The following NLRP5 variants were observed in gnomAD, a reference collection of about 807,000 sequenced individuals.
NLRP5 encodes the protein NACHT, LRR and PYD domains-containing protein 5.
Under a neutral mutation model 113.1 loss-of-function variants are expected in NLRP5, and 93 were observed. The ratio of observed to expected loss-of-function variants is 0.82; its 90% CI spans 0.70 to 0.98. NLRP5 has a LOEUF of 0.98. Among genes scored for constraint, NLRP5 ranks in the 50% least tolerant of loss-of-function variants. NLRP5 has a pLI of 0.00. For synonymous variants in NLRP5, 751 were observed against 600.7 expected (o/e 1.25, Z -3.66); for missense variants, 1,808 against 1,514.3 (o/e 1.19, Z -3.22).
intron 9 of NLRP5, among the ~76,000 whole-genome samples, chr19:56,036,055 A>ATTTTTTTTTTTTTTTTTT (rs1261118713): frequency 2.2e-5 from 2 of 90,584 alleles, no homozygotes; most frequent in African/African-American, 9.8e-5. Context: ...ATGAATTGAG[A>ATTTTTTTTTTTTTTTTTT]TTCTTTTTTT....
intron 11 of NLRP5, among the ~76,000 whole-genome samples, chr19:56,045,655 G>A (rs1983695925): frequency 6.6e-6 from 1 of 152,086 alleles, no homozygotes; most frequent in Non-Finnish European, 1.5e-5. Flanking sequence ...AACATGTGGT[G>A]TTTGGTTTTT....
chr19:55,987,788 A>G, the NLRP5 span: 3 of 1,560,014 alleles, frequency 1.9e-6, no homozygotes, highest in Admixed American at 1.7e-5. Flanking sequence ...AACCTCAACC[A>G]GCAGCCTTCC....
At chr19:55,999,388 G>A (rs1255990078), upstream of NLRP5, among the ~76,000 whole-genome samples, 1 of 151,586 alleles carries the variant, frequency 6.6e-6, no homozygotes, top group Admixed American at 6.6e-5. Context: ...CTAATTTTTT[G>A]TATTTTTAGT....
At chr19:56,017,790 G>A (rs73934624) in intron 4 of NLRP5, among the ~76,000 whole-genome samples, 5,241 of 152,228 alleles carry the variant, frequency 0.034, 309 homozygotes, top group African/African-American at 0.12. Flanking sequence ...GCGTCACTAT[G>A]TGCCTGGTCG....
intron 1 of NLRP5, among the ~76,000 whole-genome samples, chr19:56,002,014 G>T (rs1371508179): frequency 1.3e-5 from 2 of 152,144 alleles, no homozygotes; most frequent in African/African-American, 4.8e-5. Context: ...AATTATTCCT[G>T]GGGCCTTATA....
chr19:56,005,642 ACGCG>A (rs147680527), intron 2 of NLRP5, among the ~76,000 whole-genome samples: 9 of 142,008 alleles, frequency 6.3e-5, no homozygotes, highest in Admixed American at 1.4e-4. Context: ...ACACACACAC[ACGCG>A]CGCAGGTGGC....
At chr19:56,031,289 C>T (rs1983102530) in intron 7 of NLRP5, among the ~76,000 whole-genome samples, 1 of 152,086 alleles carries the variant, frequency 6.6e-6, no homozygotes, top group Admixed American at 6.5e-5. Context: ...CCCCAGGCCC[C>T]CGGCAGCCTC....
rs1568505894 is a variant in NLRP5, at chr19:56,058,333, G to A, written c.3393G>A (p.Gln1131=). The change falls in exon 14 of 15, where the codon CAG becomes CAA. Residue 1131 remains glutamine, a synonymous_variant. Transcript: ENST00000390649. ...ATCTGACCAGTCTAAACCTGGTGCA[G>A]AATAACTTCAGTCCCAAAGGAATGA... The A allele has an allele frequency of 6.2e-7, 1 of 1,614,026 alleles. No homozygotes were observed. Among genetic ancestry groups the A allele is most frequent in the Non-Finnish European group, 8.5e-7 (1 of 1,179,884 alleles).
chr19:55,988,876 C>G, the NLRP5 span, among the ~76,000 whole-genome samples: 1 of 152,256 alleles, frequency 6.6e-6, no homozygotes, highest in South Asian at 2.1e-4. Context: ...CTTTCAATTT[C>G]CATGTATCCA....
intron 10 of NLRP5, among the ~76,000 whole-genome samples, chr19:56,039,267 A>G (rs1983431676): frequency 6.6e-6 from 1 of 152,204 alleles, no homozygotes; most frequent in Non-Finnish European, 1.5e-5. Flanking sequence ...CCAGCGTGGC[A>G]GCCATTATCC....
At chr19:56,055,370 T>G (rs1984093114) in intron 13 of NLRP5, among the ~76,000 whole-genome samples, 1 of 151,866 alleles carries the variant, frequency 6.6e-6, no homozygotes, top group African/African-American at 2.4e-5. Context: ...TCAACTTCTT[T>G]CTACGTGGTC....
intron 11 of NLRP5, among the ~76,000 whole-genome samples, chr19:56,045,397 G>C (rs770180127): frequency 1.3e-5 from 2 of 152,160 alleles, no homozygotes; most frequent in Non-Finnish European, 2.9e-5. Context: ...AGGGTGATGG[G>C]ATTGGAGCTA....
chr19:56,053,727 C>T lies in NLRP5; in HGVS notation c.3218C>T (p.Thr1073Met), dbSNP rs201338049. The T allele has an allele frequency of 8.7e-4, 1,412 of 1,613,928 alleles. 25 individuals are homozygous for T. In the South Asian group the frequency reaches 0.014, roughly 16 times the overall value. ...AGACACCTGAAGAGCCTGGATCTCACGGACAATGCCCTGGGTGACGGTGGG... is the reference window on the plus strand; with the variant it reads ...AGACACCTGAAGAGCCTGGATCTCATGGACAATGCCCTGGGTGACGGTGGG... Residue 1073 changes from threonine to methionine, a missense_variant, in exon 13 of 15, where the codon ACG (threonine) becomes ATG (methionine). Physicochemically the swap from Thr to Met is moderately conservative, Grantham distance 81. Coordinates refer to ENST00000390649, the MANE Select transcript of NLRP5 (RefSeq NM_153447.4).
chr19:56,060,870 C>A (rs939461655), intron 14 of NLRP5, among the ~76,000 whole-genome samples: 4 of 152,158 alleles, frequency 2.6e-5, no homozygotes, highest in African/African-American at 9.7e-5. Flanking sequence ...GGTCAACTCA[C>A]AAGGAGACAG....
Position 56,003,987 on chromosome 19 carries a change from C to G in NLRP5, c.334C>G (p.Leu112Val). Residue 112 changes from leucine (L) to valine (V), a missense_variant, in exon 2 of 15, where the codon CTC (leucine) becomes GTC (valine). By Grantham distance (32) the Leu-to-Val change is conservative. Coordinates refer to ENST00000390649, the MANE Select transcript of NLRP5 (RefSeq NM_153447.4). Reference sequence around the variant, plus strand: ...TGCCAACGTGGAATGTCTGGCACTCCTCTTGCATGAGTATTATGGAGCATC... The same window carrying G: ...TGCCAACGTGGAATGTCTGGCACTCGTCTTGCATGAGTATTATGGAGCATC... The G allele has an allele frequency of 6.2e-7, 1 of 1,613,974 alleles. No individual in the cohort carries two copies. Among genetic ancestry groups the G allele is most frequent in the Non-Finnish European group, 8.5e-7 (1 of 1,179,892 alleles).
At position 56,003,752 on chromosome 19, in the gene NLRP5, A is replaced by G. The variant is rs1379064491; in HGVS notation, c.99A>G (p.Ile33Met). The change falls in exon 2 of 15, where the codon ATA (isoleucine) becomes ATG (methionine). Residue 33 changes from isoleucine to methionine, a missense_variant. It adds an upstream start codon to the 5' untranslated region. Coordinates refer to ENST00000390649, the MANE Select transcript of NLRP5 (RefSeq NM_153447.4). ...TTTCCACAGGTCCTACTTGCTCTAT[A>G]TTACCAAAGAATCCACTTTTCCCCC... The G allele has an allele frequency of 1.9e-6, 3 of 1,612,994 alleles. No individual in the cohort carries two copies. Among genetic ancestry groups the G allele is most frequent in the Non-Finnish European group, 1.7e-6 (2 of 1,179,638 alleles).
At chr19:55,994,339 T>C in the NLRP5 span, among the ~76,000 whole-genome samples, 3 of 152,222 alleles carry the variant, frequency 2.0e-5, no homozygotes, top group African/African-American at 7.2e-5. Flanking sequence ...GTTCCTCATA[T>C]ATTCTGGGTA....
At chr19:56,053,557 C>T (rs1473051029) in intron 12 of NLRP5, 81 bp from the exon 13 acceptor site, 5 of 1,280,534 alleles carry the variant, frequency 3.9e-6, no homozygotes, top group Non-Finnish European at 5.4e-6. Flanking sequence ...AAGGAAACTC[C>T]AGTTAATGCT....
the NLRP5 span, among the ~76,000 whole-genome samples, chr19:55,989,447 T>G: frequency 1.3e-5 from 2 of 152,074 alleles, no homozygotes; most frequent in African/African-American, 4.8e-5. Flanking sequence ...GAGACGGGGT[T>G]TCCCCATGTT....
Sources: gnomAD v4.1 joint callset for allele counts (sites outside exome capture counted in the v4.1 genomes callset) on GRCh38, gnomAD v4.1.1 for gene constraint, MANE v1.5 for transcripts, NCBI Gene and HGNC (gene_info 2026-07-23, HGNC 2026-07-21) for gene names.